CD8B2: variants seen among roughly 807,000 people sequenced by gnomAD.
The protein encoded by CD8B2 is CD8B family member 2.
CD8B2 carries 11 observed loss-of-function variants against 23.7 expected under a neutral mutation model. The observed-to-expected ratio is 0.46, with a 90% CI of 0.29 to 0.77. The LOEUF is 0.77. CD8B2 is among the 30% of genes least tolerant of loss of function. The pLI is 0.09. For missense variants in CD8B2, 197 were observed against 270.5 expected, an observed-to-expected ratio of 0.73 and a Z score of 1.91; for synonymous variants, 90 against 109.3, an observed-to-expected ratio of 0.82 and a Z score of 1.10.
chr2:106,499,259 A>G (rs999466801), intron 3 of CD8B2, among the ~76,000 whole-genome samples: 9 of 152,096 alleles, frequency 5.9e-5, no homozygotes, highest in African/African-American at 2.2e-4. Context: ...TGAGCTAGGC[A>G]TGGTGGCTCA....
chr2:106,487,954 T>A (rs1679109914), intron 1 of CD8B2, among the ~76,000 whole-genome samples: 1 of 152,046 alleles, frequency 6.6e-6, no homozygotes, highest in East Asian at 1.9e-4. Flanking sequence ...GGCAGGGTGA[T>A]CCCTCTGGCT....
chr2:106,515,130 C>A (rs1279576327), downstream of CD8B2, among the ~76,000 whole-genome samples: 1 of 152,238 alleles, frequency 6.6e-6, no homozygotes, highest in Non-Finnish European at 1.5e-5. Flanking sequence ...ATCCTTCAAT[C>A]CAATGAAGTT....
rs1204606039 is a variant in CD8B2 at position 106,510,649 on chromosome 2, C to G, written c.*3709C>G. 6.6e-6 allele frequency: 1 copy of G among 152,054 alleles called. No homozygotes were observed. The highest frequency in any genetic ancestry group is 1.9e-4 in the East Asian group (1 of 5,176). The allele number at this position is 152,054 out of a possible 1,614,324, so 9.4% of individuals were successfully genotyped here. On this transcript the variant is annotated 3_prime_UTR_variant, in exon 6 of 6. Transcript: ENST00000643224. ...AGGGAGGATGAGGTGGGAGGATCTC[C>G]TGAGCCCAGGAGTTTGAGACTGCAG...
intron 5 of CD8B2, among the ~76,000 whole-genome samples, chr2:106,528,057 G>A (rs772119254): frequency 1.3e-5 from 2 of 152,208 alleles, no homozygotes; most frequent in Non-Finnish European, 2.9e-5. Flanking sequence ...CAGGTGAGCA[G>A]GGCTGGCCGG....
chr2:106,526,751 G>A (rs1282401364), intron 5 of CD8B2, among the ~76,000 whole-genome samples: 1 of 152,122 alleles, frequency 6.6e-6, no homozygotes, highest in African/African-American at 2.4e-5. Flanking sequence ...CCTGGTTCAA[G>A]CGATTCTCCT....
At chr2:106,488,545 C>T (rs950990772) in intron 1 of CD8B2, among the ~76,000 whole-genome samples, 8 of 152,170 alleles carry the variant, frequency 5.3e-5, no homozygotes, top group East Asian at 1.9e-4. Flanking sequence ...TGAAGGGCTT[C>T]GGGCACCTGT....
chr2:106,544,161 G>A (rs897242687), exon 6 of CD8B2: 2 of 398,076 alleles, frequency 5.0e-6, no homozygotes, highest in South Asian at 1.3e-4. Context: ...GACTGCATGC[G>A]TGTCTAGCGA....
chr2:106,518,018 T>C (rs1192479511), intron 5 of CD8B2, among the ~76,000 whole-genome samples: 1 of 152,192 alleles, frequency 6.6e-6, no homozygotes, highest in Admixed American at 6.5e-5. Flanking sequence ...CCAGCCTGTT[T>C]ATAGCTCTTT....
downstream of CD8B2, among the ~76,000 whole-genome samples, chr2:106,515,609 C>A (rs904124231): frequency 6.6e-6 from 1 of 152,112 alleles, no homozygotes; most frequent in Non-Finnish European, 1.5e-5. Flanking sequence ...TTGATCGTGG[C>A]CTTCCCAGCC....
intron 2 of CD8B2, among the ~76,000 whole-genome samples, chr2:106,493,090 A>G (rs1023530352): frequency 7.2e-5 from 11 of 152,212 alleles, no homozygotes; most frequent in African/African-American, 2.6e-4. Flanking sequence ...AACCCCTCCC[A>G]GCACTACAGG....
chr2:106,538,581 C>T (rs1259038103), intron 5 of CD8B2, among the ~76,000 whole-genome samples: 4 of 152,164 alleles, frequency 2.6e-5, no homozygotes, highest in Admixed American at 1.3e-4. Context: ...TTTGCGCTAT[C>T]TAGAGCCGAG....
At position 106,507,494 on chromosome 2, in the gene CD8B2, C is replaced by T; in HGVS notation, c.*554C>T. On this transcript the variant is annotated 3_prime_UTR_variant, in exon 6 of 6. Transcript: ENST00000643224. ...TGAGGGCTTCCTTTGGGGCCGGGAA[C>T]TTGCGGGTTTGAGGATAGGAGTTCA... 2 of 985,428 alleles carry T rather than the reference C, an allele frequency of 2.0e-6. No individual in the cohort carries two copies. Among genetic ancestry groups the T allele is most frequent in the Non-Finnish European group, 2.4e-6 (2 of 829,870 alleles). 61.0% of individuals were successfully genotyped at this position (985,428 alleles called of 1,614,324 possible). A position where few individuals can be genotyped will look rare whatever the true frequency, so the allele number is the denominator to read the frequency against.
chr2:106,497,166 A>C (rs1322377794), intron 3 of CD8B2, among the ~76,000 whole-genome samples: 1 of 152,164 alleles, frequency 6.6e-6, no homozygotes, highest in East Asian at 1.9e-4. Context: ...AGTCCCAGTT[A>C]CTCAGGAGGC....
rs940658384 is a variant in CD8B2 at position 106,502,426 on chromosome 2, G to T, written c.494-48G>T. 3 of 1,153,244 alleles carry T rather than the reference G, an allele frequency of 2.6e-6. No individual in the cohort carries two copies. In the African/African-American group the frequency reaches 4.7e-5, roughly 18 times the overall value. 71.4% of individuals were successfully genotyped at this position (1,153,244 alleles called of 1,614,324 possible). ...CCTTGTATTTTTCTGCGTGTCTCAC[G>T]CAGAAAAATGTTCTGTGTTGAACAC... On this transcript the variant is annotated intron_variant, in intron 3 of 5. Coordinates refer to ENST00000643224, the MANE Select transcript of CD8B2 (RefSeq NM_001349727.2).
At chr2:106,496,736 T>C (rs575647964) in intron 3 of CD8B2, among the ~76,000 whole-genome samples, 101 of 151,858 alleles carry the variant, frequency 6.7e-4, no homozygotes, top group South Asian at 4.2e-3. Flanking sequence ...GAATGTAGAT[T>C]GGTTGCTGCC....
chr2:106,511,168 C>A (rs764848913), downstream of CD8B2: 2 of 152,146 alleles, frequency 1.3e-5, no homozygotes, highest in Non-Finnish European at 2.9e-5. Flanking sequence ...TTAAAAAAAT[C>A]TGAACCATGG....
At chr2:106,530,027 G>C (rs952393969) in intron 5 of CD8B2, among the ~76,000 whole-genome samples, 1 of 152,212 alleles carries the variant, frequency 6.6e-6, no homozygotes, top group Non-Finnish European at 1.5e-5. Context: ...AGTTTCACCC[G>C]CTGAGAAAGT....
chr2:106,506,492 C>T (rs1019628264), intron 5 of CD8B2, among the ~76,000 whole-genome samples: 1 of 151,808 alleles, frequency 6.6e-6, no homozygotes, highest in African/African-American at 2.4e-5. Flanking sequence ...GCTTGAAAAC[C>T]ACCTCTGGTT....
At chr2:106,488,439 G>A (rs1679124230) in intron 1 of CD8B2, among the ~76,000 whole-genome samples, 1 of 151,964 alleles carries the variant, frequency 6.6e-6, no homozygotes, top group Admixed American at 6.6e-5. Context: ...AAGCAAGTGG[G>A]TCCCGGGAAG....
Sources: allele counts gnomAD v4.1 joint callset (sites outside exome capture counted in the v4.1 genomes callset), GRCh38; gene constraint gnomAD v4.1.1; transcripts MANE v1.5; gene names NCBI Gene and HGNC (gene_info 2026-07-23, HGNC 2026-07-21).